OTUD7A: variants seen among roughly 807,000 people sequenced by gnomAD.
OTUD7A encodes the protein OTU deubiquitinase 7A.
In OTUD7A, 12 loss-of-function variants were observed where a neutral mutation model predicts 65.7. The ratio of observed to expected loss-of-function variants is 0.18; its 90% confidence interval spans 0.12 to 0.30. The LOEUF (loss-of-function observed/expected upper bound fraction) is 0.30, where lower values mean the gene tolerates loss of function less well. Among genes scored for constraint, OTUD7A ranks in the 10% least tolerant of loss-of-function variants. The probability of loss-of-function intolerance (pLI) is 1.00; values close to 1 mark genes in which losing one functional copy is unlikely to be tolerated. For missense variants in OTUD7A, 1,148 were observed against 1,304.8 expected (o/e 0.88, Z 1.85); for synonymous variants, 641 against 586.3 (o/e 1.09, Z -1.35).
chr15:31,694,264 C>T (rs1446589275), intron 1 of OTUD7A, among the ~76,000 whole-genome samples: 2 of 152,102 alleles, frequency 1.3e-5, no homozygotes, highest in African/African-American at 2.4e-5. Context: ...GGGGCCTCCT[C>T]CCTCAGGCTA....
intron 6 of OTUD7A, among the ~76,000 whole-genome samples, chr15:31,528,972 G>T (rs867652963): frequency 2.6e-5 from 4 of 152,236 alleles, no homozygotes; most frequent in Non-Finnish European, 2.9e-5. Context: ...GCCCTGGTCA[G>T]TCATGGCCCA....
At chr15:31,819,349 G>C (rs979278166) in intron 1 of OTUD7A, among the ~76,000 whole-genome samples, 6 of 152,110 alleles carry the variant, frequency 3.9e-5, no homozygotes, top group African/African-American at 1.4e-4. Context: ...AAATAAGTTG[G>C]GTGCTAGAGA....
At chr15:31,676,279 G>T (rs2141300651) in intron 1 of OTUD7A, among the ~76,000 whole-genome samples, 1 of 152,128 alleles carries the variant, frequency 6.6e-6, no homozygotes, top group East Asian at 1.9e-4. Flanking sequence ...CTTCCTTATT[G>T]CCAACAGACC....
chr15:31,483,263 G>T lies in OTUD7A; in HGVS notation c.*31C>A. 1 of 1,075,642 alleles carries T rather than the reference G, an allele frequency of 9.3e-7. No homozygotes were observed. The allele number at this position is 1,075,642 out of a possible 1,614,324, so 66.6% of individuals were successfully genotyped here. A position where few individuals can be genotyped will look rare whatever the true frequency, so the allele number is the denominator to read the frequency against. On this transcript the variant is annotated 3_prime_UTR_variant, in exon 13 of 13. Transcript: ENST00000307050. ...AATGGAAAAGAAATCCTCGAAGGTA[G>T]AACCTCGCCGCCCGCGCCGCGCCGC... is the stretch of plus-strand genomic sequence containing the variant.
Position 31,526,387 on chromosome 15 carries a change from C to A in OTUD7A, c.855G>T (p.Pro285=), listed in dbSNP as rs778702255. ...TELLKLASSE[P]RTHFSKNGGT... is the part of the protein sequence containing the mutation. ...CGCCATTCTTGCTGAAGTGTGTGCG[C>A]GGCTCGCTGGAGGCCAGCTTCAGCA... is the stretch of plus-strand genomic sequence containing the variant. Residue 285 remains proline, a synonymous_variant, in exon 8 of 13, where the codon CCG becomes CCT. Transcript: ENST00000307050. The A allele has an allele frequency of 5.0e-6, 8 of 1,601,606 alleles. No individual in the cohort carries two copies. The highest frequency in any genetic ancestry group is 6.8e-6 in the Non-Finnish European group (8 of 1,178,772).
chr15:31,610,871 T>G (rs1208125661), intron 3 of OTUD7A, among the ~76,000 whole-genome samples: 1 of 151,398 alleles, frequency 6.6e-6, no homozygotes, highest in African/African-American at 2.4e-5. Context: ...CCTCGTGATC[T>G]GCCTGCCTCG....
At chr15:31,526,732 G>A (rs1000443721) in intron 7 of OTUD7A, among the ~76,000 whole-genome samples, 7 of 152,172 alleles carry the variant, frequency 4.6e-5, no homozygotes. Context: ...ATTAACCTGT[G>A]CCTGCACCTA....
intron 1 of OTUD7A, among the ~76,000 whole-genome samples, chr15:31,819,468 G>C (rs1471496354): frequency 6.6e-6 from 1 of 152,146 alleles, no homozygotes; most frequent in Non-Finnish European, 1.5e-5. Context: ...TGGATGTTTA[G>C]TAAATATTCA....
intron 3 of OTUD7A, among the ~76,000 whole-genome samples, chr15:31,618,104 G>A (rs961369403): frequency 1.3e-5 from 2 of 152,160 alleles, no homozygotes; most frequent in African/African-American, 4.8e-5. Context: ...CAAAGGACAT[G>A]AACTCATCAT....
chr15:31,484,602 C>T lies in OTUD7A; in HGVS notation c.1494G>A (p.Lys498=). The T allele has an allele frequency of 1.2e-6, 2 of 1,606,994 alleles. No individual in the cohort carries two copies. Among genetic ancestry groups the T allele is most frequent in the Non-Finnish European group, 1.7e-6 (2 of 1,177,610 alleles). The change falls in exon 13 of 13, where the codon AAG becomes AAA. Residue 498 remains lysine, a synonymous_variant. Transcript: ENST00000307050. The surrounding 1 kb of genome is among the most constrained non-coding windows in gnomAD (Gnocchi z 4.5). ...TCTCCTTCTCCTTGTCCTTGCCGTT[C>T]TTGCCGTTATTGCTGTTAGAATTGC... ...VCSNSNSNNG[K]NGKDKEKEKQ...
At chr15:31,605,332 G>C (rs1162826077) in intron 3 of OTUD7A, among the ~76,000 whole-genome samples, 3 of 152,170 alleles carry the variant, frequency 2.0e-5, no homozygotes, top group African/African-American at 7.2e-5. Context: ...TGCATCAAAG[G>C]AATGTGGGGG....
intron 1 of OTUD7A, among the ~76,000 whole-genome samples, chr15:31,666,178 A>C (rs1892315084): frequency 6.6e-6 from 1 of 152,074 alleles, no homozygotes; most frequent in African/African-American, 2.4e-5. Context: ...TCATAGAATG[A>C]ATTAGGGAGG....
At chr15:31,641,289 A>T (rs866655448) in intron 3 of OTUD7A, among the ~76,000 whole-genome samples, 2 of 152,176 alleles carry the variant, frequency 1.3e-5, no homozygotes, top group Non-Finnish European at 2.9e-5. Flanking sequence ...CTCCCCAGTA[A>T]TGTGGAACTG....
chr15:31,773,476 C>T (rs972660292), intron 1 of OTUD7A, among the ~76,000 whole-genome samples: 3 of 152,136 alleles, frequency 2.0e-5, no homozygotes, highest in Non-Finnish European at 4.4e-5. Context: ...CTGGGGTCCC[C>T]GTTATGAGGG....
chr15:31,500,813 C>G (rs2041456044), intron 10 of OTUD7A, among the ~76,000 whole-genome samples: 1 of 152,228 alleles, frequency 6.6e-6, no homozygotes, highest in African/African-American at 2.4e-5. Context: ...ATGGCAGGGA[C>G]TCTGAAATAG....
chr15:31,500,783 A>C (rs75910862), intron 10 of OTUD7A, among the ~76,000 whole-genome samples: 1,981 of 152,242 alleles, frequency 0.013, 20 homozygotes, highest in South Asian at 0.019. Flanking sequence ...GGCACTTCCC[A>C]TTCTCTGGGA....
chr15:31,557,100 C>G (rs2141155172), intron 5 of OTUD7A: 1 of 152,350 alleles, frequency 6.6e-6, no homozygotes, highest in Non-Finnish European at 1.5e-5. Context: ...GTTCTAATGT[C>G]AAGCATGCCA....
intron 3 of OTUD7A, among the ~76,000 whole-genome samples, chr15:31,595,398 T>G (rs561180389): frequency 2.8e-4 from 43 of 152,136 alleles, no homozygotes; most frequent in Non-Finnish European, 5.9e-4. Flanking sequence ...AATGACAGGG[T>G]TTTATTCTCT....
intron 3 of OTUD7A, among the ~76,000 whole-genome samples, chr15:31,574,333 G>GT (rs1385558848): frequency 2.0e-5 from 3 of 152,058 alleles, no homozygotes; most frequent in African/African-American, 2.4e-5. Context: ...AAAACCAACC[G>GT]TATCTGTGAG....
Sources: gnomAD v4.1 joint callset for allele counts (sites outside exome capture counted in the v4.1 genomes callset) on GRCh38, gnomAD v4.1.1 for gene constraint, Gnocchi (gnomAD v3.1) non-coding constraint, MANE v1.5 for transcripts, NCBI Gene and HGNC (gene_info 2026-07-23, HGNC 2026-07-21) for gene names.